The following FOXJ3 variants were observed in gnomAD, a reference collection of about 807,000 sequenced individuals.
FOXJ3 encodes the protein forkhead box J3.
A neutral mutation model predicts 76.1 loss-of-function variants in FOXJ3; 22 were observed. The ratio of observed to expected loss-of-function variants is 0.29; its 90% CI spans 0.21 to 0.41. The LOEUF (loss-of-function observed/expected upper bound fraction) is 0.41. Ranked by LOEUF, FOXJ3 falls within the 10% of genes least tolerant of loss-of-function variation. The probability of loss-of-function intolerance (pLI) is 1.00; values close to 1 mark genes in which losing one functional copy is unlikely to be tolerated. For missense variants in FOXJ3, 613 were observed against 762.1 expected, an observed-to-expected ratio of 0.80 and a Z score of 2.30; for synonymous variants, 269 against 261.2, an observed-to-expected ratio of 1.03 and a Z score of -0.29.
rs1646233395 is a variant in FOXJ3, at chr1:42,177,334, T to G, written c.*2376A>C. On this transcript the variant is annotated 3_prime_UTR_variant, in exon 13 of 13. Transcript: ENST00000361346. ...AAATGGGAAATTCGCTTCACACAAT[T>G]TATAAAATCATCATCAGTGGTTCTA... 1 of 152,630 alleles carries G rather than the reference T, an allele frequency of 6.6e-6. No homozygotes were observed. Among genetic ancestry groups the G allele is most frequent in the African/African-American group, 2.4e-5 (1 of 41,434 alleles). 9.5% of individuals were successfully genotyped at this position (152,630 alleles called of 1,614,324 possible).
intron 3 of FOXJ3, among the ~76,000 whole-genome samples, chr1:42,269,964 A>G (rs1651750239): frequency 6.6e-6 from 1 of 152,082 alleles, no homozygotes; most frequent in Non-Finnish European, 1.5e-5. Flanking sequence ...TGTCTTCACA[A>G]TGCAATTTTG....
intron 4 of FOXJ3, among the ~76,000 whole-genome samples, chr1:42,249,136 T>C (rs1176351572): frequency 6.6e-6 from 1 of 152,202 alleles, no homozygotes; most frequent in African/African-American, 2.4e-5. Context: ...CCATATTCTC[T>C]TTATAACTGA....
chr1:42,250,926 G>A (rs1460538054), intron 4 of FOXJ3, among the ~76,000 whole-genome samples: 2 of 121,156 alleles, frequency 1.7e-5, no homozygotes, highest in Non-Finnish European at 3.7e-5. Flanking sequence ...ACAAAAAGAT[G>A]AGAAAAATTA....
intron 2 of FOXJ3, among the ~76,000 whole-genome samples, chr1:42,310,506 G>A (rs1179766596): frequency 1.3e-5 from 2 of 150,036 alleles, no homozygotes; most frequent in African/African-American, 4.9e-5. Flanking sequence ...GGAGTGCAGT[G>A]GCACGATCTC....
intron 7 of FOXJ3, among the ~76,000 whole-genome samples, chr1:42,197,467 G>A (rs994628869): frequency 1.3e-5 from 2 of 152,060 alleles, no homozygotes; most frequent in Non-Finnish European, 1.5e-5. Context: ...AATGTATCTA[G>A]ATACAGCAGT....
At chr1:42,321,823 T>C (rs563655544) in intron 1 of FOXJ3, among the ~76,000 whole-genome samples, 1 of 152,166 alleles carries the variant, frequency 6.6e-6, no homozygotes, top group Admixed American at 6.5e-5. Flanking sequence ...GGGTTCCTGA[T>C]CAGTATATGA....
At chr1:42,246,331 TACAC>T (rs368904681) in intron 4 of FOXJ3, among the ~76,000 whole-genome samples, 4 of 151,342 alleles carry the variant, frequency 2.6e-5, no homozygotes, top group Non-Finnish European at 5.9e-5. Context: ...CACATACACA[TACAC>T]ACACACACGT....
chr1:42,181,865 T>TCTCA (rs545263830), intron 12 of FOXJ3, 52 bp downstream of exon 12: 1 of 963,908 alleles, frequency 1.0e-6, no homozygotes, highest in Admixed American at 2.3e-5. Flanking sequence ...CCTGGAGTGC[T>TCTCA]CACACACACA....
intron 5 of FOXJ3, among the ~76,000 whole-genome samples, chr1:42,214,560 C>CT (rs1306465850): frequency 2.9e-4 from 44 of 152,134 alleles, no homozygotes; most frequent in Non-Finnish European, 4.0e-4. Flanking sequence ...CTGCTGATAA[C>CT]TATAAAGTAT....
At chr1:42,212,061 C>T (rs1557641087) in intron 5 of FOXJ3, among the ~76,000 whole-genome samples, 1 of 152,148 alleles carries the variant, frequency 6.6e-6, no homozygotes, top group Non-Finnish European at 1.5e-5. Flanking sequence ...CGAGACCAGC[C>T]TGGCCAACAT....
At chr1:42,222,314 G>A (rs1191934051) in intron 5 of FOXJ3, among the ~76,000 whole-genome samples, 1 of 151,886 alleles carries the variant, frequency 6.6e-6, no homozygotes, top group Non-Finnish European at 1.5e-5. Context: ...CTGATTATTA[G>A]ATTGTTATGC....
chr1:42,282,522 GTTGAA>G (rs1465131793), intron 2 of FOXJ3, among the ~76,000 whole-genome samples: 14 of 152,142 alleles, frequency 9.2e-5, no homozygotes, highest in Non-Finnish European at 1.9e-4. Context: ...CACATGCATA[GTTGAA>G]TCATATGCTT....
At chr1:42,291,025 TATAGATAGATAG>T (rs80123722) in intron 2 of FOXJ3, among the ~76,000 whole-genome samples, 2,297 of 134,298 alleles carry the variant, frequency 0.017, 48 homozygotes, top group South Asian at 0.043. Context: ...AAAAGACCCA[TATAGATAGATAG>T]ATAGATAGAT....
At chr1:42,222,607 A>G (rs1647259752) in intron 5 of FOXJ3, among the ~76,000 whole-genome samples, 1 of 152,216 alleles carries the variant, frequency 6.6e-6, no homozygotes. Context: ...AATGCAAATT[A>G]ACTTCAAAAA....
Position 42,176,591 on chromosome 1 carries a change from A to C in FOXJ3, c.*3119T>G, listed in dbSNP as rs1646219297. 1 of 152,674 alleles carries C rather than the reference A, an allele frequency of 6.5e-6. No individual in the cohort carries two copies. The highest frequency in any genetic ancestry group is 2.1e-4 in the South Asian group (1 of 4,836). 9.5% of individuals were successfully genotyped at this position (152,674 alleles called of 1,614,324 possible). Reference sequence around the variant, plus strand: ...TTTATTTTAAGTGCCATTCATGCATATCAGTTCTGGCAGCAACAATCCTAA... The same window carrying C: ...TTTATTTTAAGTGCCATTCATGCATCTCAGTTCTGGCAGCAACAATCCTAA... On this transcript the variant is annotated 3_prime_UTR_variant, in exon 13 of 13. Coordinates refer to ENST00000361346, the MANE Select transcript of FOXJ3 (RefSeq NM_014947.5).
chr1:42,272,604 T>C (rs571130697), intron 3 of FOXJ3, among the ~76,000 whole-genome samples: 1 of 152,342 alleles, frequency 6.6e-6, no homozygotes, highest in African/African-American at 2.4e-5. Flanking sequence ...CATCCTTCTC[T>C]ACCCATTAGT....
chr1:42,268,896 A>G (rs1156531249), intron 3 of FOXJ3, among the ~76,000 whole-genome samples: 1 of 152,146 alleles, frequency 6.6e-6, no homozygotes, highest in Non-Finnish European at 1.5e-5. Flanking sequence ...GTGTTTATAA[A>G]AGAGGCCTCA....
chr1:42,188,239 C>T (rs569065464), intron 11 of FOXJ3, among the ~76,000 whole-genome samples: 3 of 151,954 alleles, frequency 2.0e-5, no homozygotes, highest in Non-Finnish European at 2.9e-5. Context: ...AGGAAGAAAG[C>T]GAGATTTAAA....
chr1:42,190,996 T>C lies in FOXJ3; in HGVS notation c.1351+307A>G, dbSNP rs906043264. ...AAAATTCTTTTAGTTGCACTTTTCC[T>C]ATATATAAAATGTGGTCATCTATAC... On this transcript the variant is annotated intron_variant, in intron 9 of 12. Transcript: ENST00000361346. 4.1e-4 allele frequency among the ~76,000 whole-genome samples: 63 copies of C among 152,198 alleles called. 1 individual carries two copies. Among genetic ancestry groups the C allele is most frequent in the Admixed American group, 2.7e-3 (42 of 15,286 alleles).
Sources: gnomAD v4.1 joint callset for allele counts (sites outside exome capture counted in the v4.1 genomes callset) on GRCh38, gnomAD v4.1.1 for gene constraint, MANE v1.5 for transcripts, NCBI Gene and HGNC (gene_info 2026-07-23, HGNC 2026-07-21) for gene names.